The following PDE12 variants were observed in gnomAD, a reference collection of about 807,000 sequenced individuals.
PDE12 encodes the protein phosphodiesterase 12.
In PDE12, 26 loss-of-function variants were observed where a neutral mutation model predicts 45.4. The ratio of observed to expected loss-of-function variants is 0.57; its 90% CI spans 0.42 to 0.79. PDE12 has a LOEUF of 0.79. Among genes scored for constraint, PDE12 ranks in the 30% least tolerant of loss-of-function variants. The pLI is 0.00. For synonymous variants in PDE12, 283 were observed against 323.9 expected, an observed-to-expected ratio of 0.87 and a Z score of 1.36; for missense variants, 668 against 790.0, an observed-to-expected ratio of 0.85 and a Z score of 1.85.
rs748699405 is a variant in PDE12, at chr3:57,557,597, G to T, written c.1218G>T (p.Glu406Asp). Residue 406 changes from glutamate (E) to aspartate (D), a missense_variant, in exon 1 of 3, where the codon GAG becomes GAT. Glu to Asp is a conservative substitution (Grantham distance 45). Transcript: ENST00000311180. ...QHDISFYEAL[E>D]SDPLHKELLE... is the part of the protein sequence containing the mutation. ...ACATTTCATTCTACGAAGCCCTCGA[G>T]TCCGACCCACTTCACAAAGAACTGC... The T allele has an allele frequency of 6.2e-7, 1 of 1,614,072 alleles. No homozygotes were observed. Among genetic ancestry groups the T allele is most frequent in the South Asian group, 1.1e-5 (1 of 91,088 alleles).
the PDE12 span, among the ~76,000 whole-genome samples, chr3:57,640,274 A>C: frequency 2.2e-4 from 31 of 139,564 alleles, no homozygotes; most frequent in South Asian, 1.1e-3. Flanking sequence ...GTCTCAAAAA[A>C]AAAAAACAAA....
chr3:57,598,225 G>T, the PDE12 span: 15 of 152,064 alleles, frequency 9.9e-5, no homozygotes, highest in Non-Finnish European at 2.2e-4. Flanking sequence ...TCACAGCAAT[G>T]ATAAATGTAT....
At chr3:57,649,630 GA>G in the PDE12 span, among the ~76,000 whole-genome samples, 1,923 of 146,374 alleles carry the variant, frequency 0.013, 35 homozygotes, top group African/African-American at 0.04. Context: ...ATCAATGAGT[GA>G]AAAAAAAAAA....
chr3:57,580,881 G>A, the PDE12 span, among the ~76,000 whole-genome samples: 7 of 151,850 alleles, frequency 4.6e-5, no homozygotes, highest in African/African-American at 1.5e-4. Context: ...CCAAAGTGCT[G>A]AGAGTACAGG....
chr3:57,643,144 GAAGAT>G, the PDE12 span, among the ~76,000 whole-genome samples: 1 of 152,046 alleles, frequency 6.6e-6, no homozygotes, highest in African/African-American at 2.4e-5. Context: ...GCAATAGAAA[GAAGAT>G]AAGAAATGTA....
the PDE12 span, chr3:57,575,559 G>A: frequency 2.6e-5 from 42 of 1,612,222 alleles, 1 homozygote; most frequent in East Asian, 5.8e-4. Flanking sequence ...GTTCTGTTAC[G>A]AAGAGACTGA....
the PDE12 span, among the ~76,000 whole-genome samples, chr3:57,588,091 G>A: frequency 1.5e-3 from 227 of 152,234 alleles, 2 homozygotes; most frequent in African/African-American, 5.3e-3. Flanking sequence ...TCCACAAAAT[G>A]AAAACTATTA....
chr3:57,621,100 C>T, the PDE12 span, among the ~76,000 whole-genome samples: 4 of 152,216 alleles, frequency 2.6e-5, no homozygotes, highest in African/African-American at 9.6e-5. Flanking sequence ...CAATGTGGTA[C>T]TGGCATAAAG....
chr3:57,567,645 T>G (rs2069798110), downstream of PDE12, among the ~76,000 whole-genome samples: 1 of 152,164 alleles, frequency 6.6e-6, no homozygotes, highest in Non-Finnish European at 1.5e-5. Context: ...ATTTTCCCTA[T>G]TAGATCCTCA....
At chr3:57,619,290 G>A in the PDE12 span, among the ~76,000 whole-genome samples, 13 of 152,282 alleles carry the variant, frequency 8.5e-5, no homozygotes, top group Admixed American at 2.0e-4. Flanking sequence ...GGAGGTTGCA[G>A]TGAGCCGAGA....
chr3:57,557,892 C>A (rs1180640868), intron 1 of PDE12, among the ~76,000 whole-genome samples: 1 of 152,206 alleles, frequency 6.6e-6, no homozygotes, highest in African/African-American at 2.4e-5. Context: ...TGCCATACTG[C>A]AGGTTGCCTT....
At chr3:57,654,468 C>T in the PDE12 span, among the ~76,000 whole-genome samples, 1 of 152,110 alleles carries the variant, frequency 6.6e-6, no homozygotes, top group Non-Finnish European at 1.5e-5. Context: ...GCCAAAATAA[C>T]TTGTTTCTCA....
the PDE12 span, among the ~76,000 whole-genome samples, chr3:57,610,122 A>G: frequency 2.2e-4 from 34 of 152,326 alleles, no homozygotes; most frequent in African/African-American, 7.9e-4. Context: ...AAACAGAACC[A>G]AAGAGAAAAA....
At chr3:57,646,195 A>T in the PDE12 span, 1 of 1,373,812 alleles carries the variant, frequency 7.3e-7, no homozygotes, top group Non-Finnish European at 9.9e-7. Flanking sequence ...TTTTGCATGG[A>T]TCAATGCAAT....
At chr3:57,653,150 A>G in the PDE12 span, among the ~76,000 whole-genome samples, 6 of 152,244 alleles carry the variant, frequency 3.9e-5, no homozygotes, top group South Asian at 2.1e-4. Context: ...TGTACTTACT[A>G]CTTTTCTGTT....
chr3:57,597,127 A>G, the PDE12 span: 1 of 1,613,968 alleles, frequency 6.2e-7, no homozygotes, highest in Non-Finnish European at 8.5e-7. Context: ...GAGGGAGGAG[A>G]TAGTGAGGCC....
chr3:57,654,040 C>T, the PDE12 span, among the ~76,000 whole-genome samples: 4 of 149,612 alleles, frequency 2.7e-5, no homozygotes, highest in Non-Finnish European at 4.4e-5. Context: ...CTCCACCTCC[C>T]GGGTTCACAC....
the PDE12 span, among the ~76,000 whole-genome samples, chr3:57,631,716 CTTTTTTTTTTTTT>C: frequency 2.2e-5 from 2 of 92,014 alleles, no homozygotes; most frequent in South Asian, 7.7e-4. Context: ...TCTCTGCTCT[CTTTTTTTTTTTTT>C]TTTTTTTTTT....
At chr3:57,594,507 ACTGTG>A in the PDE12 span, among the ~76,000 whole-genome samples, 2 of 152,248 alleles carry the variant, frequency 1.3e-5, no homozygotes, top group African/African-American at 4.8e-5. Flanking sequence ...AATTTGATAC[ACTGTG>A]TTGGTTTTTT....
Sources: allele counts gnomAD v4.1 joint callset (sites outside exome capture counted in the v4.1 genomes callset), GRCh38; gene constraint gnomAD v4.1.1; transcripts MANE v1.5; gene names NCBI Gene and HGNC (gene_info 2026-07-23, HGNC 2026-07-21).